Variants in C22orf23 observed in about 807,000 individuals in gnomAD.
C22orf23 encodes UPF0193 protein EVG1.
A neutral mutation model predicts 29.7 loss-of-function variants in C22orf23; 30 were observed. The ratio of observed to expected loss-of-function variants is 1.01; its 90% CI spans 0.76 to 1.37. C22orf23 has a LOEUF of 1.37. Ranked by LOEUF, C22orf23 falls within the 40% of genes most tolerant of loss-of-function variation. C22orf23 has a pLI of 0.00. For missense variants in C22orf23, 237 were observed against 273.1 expected (o/e 0.87, Z 0.93); for synonymous variants, 90 against 96.1 (o/e 0.94, Z 0.37).
intron 3 of C22orf23, among the ~76,000 whole-genome samples, chr22:37,949,524 T>G (rs949892390): frequency 6.7e-6 from 1 of 149,210 alleles, no homozygotes; most frequent in African/African-American, 2.5e-5. Context: ...AATGGTGTGA[T>G]CTCAGCTCAC....
intron 1 of C22orf23, 56 bp from the exon 2 acceptor site, chr22:37,953,214 TC>T (rs1375421028): frequency 4.8e-6 from 6 of 1,243,812 alleles, no homozygotes; most frequent in South Asian, 1.3e-5. Flanking sequence ...TAATCTCTGT[TC>T]CCCGACGCCC....
intron 2 of C22orf23, among the ~76,000 whole-genome samples, chr22:37,952,142 C>T (rs1555932323): frequency 1.3e-5 from 2 of 152,078 alleles, no homozygotes; most frequent in Non-Finnish European, 2.9e-5. Flanking sequence ...GCACCTAAAA[C>T]AGAGTCTAAG....
chr22:37,947,228 C>T (rs1456873846), intron 4 of C22orf23, 53 bp downstream of exon 4: 3 of 1,602,276 alleles, frequency 1.9e-6, no homozygotes, highest in Non-Finnish European at 2.6e-6. Context: ...GTCCCTCTCC[C>T]TTGTCCTCCC....
At chr22:37,946,175 C>T (rs1295196486) in intron 4 of C22orf23, among the ~76,000 whole-genome samples, 5 of 151,796 alleles carry the variant, frequency 3.3e-5, no homozygotes, top group East Asian at 1.9e-4. Context: ...AGGAGAATGG[C>T]GTGAACCTGG....
At position 37,944,125 on chromosome 22, in the gene C22orf23, T is replaced by C. The variant is rs1601844894; in HGVS notation, c.*50A>G. On this transcript the variant is annotated 3_prime_UTR_variant, in exon 7 of 7. Coordinates refer to ENST00000403305, the MANE Select transcript of C22orf23 (RefSeq NM_032561.5). ...AGGATGGCCCTGCCTGGCAGAGGAG[T>C]GGACTCCAGTGGTCGAGCTTGGGCT... The C allele has an allele frequency of 6.5e-7, 1 of 1,541,764 alleles. No individual in the cohort carries two copies. Among genetic ancestry groups the C allele is most frequent in the East Asian group, 2.2e-5 (1 of 44,484 alleles).
In C22orf23 at chr22:37,947,473, G is replaced by A. The variant is rs1431036710; in HGVS notation, c.167-10C>T. ...GGCAAAGCATCTCCTCCTGGGGAACGAAGAGTTGGGGTGGGAGGACCCACA... is the reference window on the plus strand; with the variant it reads ...GGCAAAGCATCTCCTCCTGGGGAACAAAGAGTTGGGGTGGGAGGACCCACA... On this transcript the variant is annotated splice_polypyrimidine_tract_variant and intron_variant, in intron 3 of 6. Coordinates refer to ENST00000403305, the MANE Select transcript of C22orf23 (RefSeq NM_032561.5). The A allele has an allele frequency of 2.9e-6, 4 of 1,399,436 alleles. No homozygotes were observed. Among genetic ancestry groups the A allele is most frequent in the Middle Eastern group, 1.9e-4 (1 of 5,132 alleles). The allele number at this position is 1,399,436 out of a possible 1,614,324, so 86.7% of individuals were successfully genotyped here. A position where few individuals can be genotyped will look rare whatever the true frequency, so the allele number is the denominator to read the frequency against.
Position 37,953,504 on chromosome 22 carries a change from G to A in C22orf23, c.-66C>T, listed in dbSNP as rs1428056057. 2 of 548,558 alleles carry A rather than the reference G, an allele frequency of 3.6e-6. No homozygotes were observed. The highest frequency in any genetic ancestry group is 3.9e-5 in the African/African-American group (2 of 51,458). 34.0% of individuals were successfully genotyped at this position (548,558 alleles called of 1,614,324 possible). ...ACATAGAAGTGGGCTCCCGGAGGCG[G>A]TGACCACTGCTTTACAGCCGCATCC... is the stretch of plus-strand genomic sequence containing the variant. On this transcript the variant is annotated 5_prime_UTR_variant, in exon 1 of 7. Transcript: ENST00000403305.
At chr22:37,944,579 T>C (rs1436501619) in intron 5 of C22orf23, 62 bp from the exon 6 acceptor site, 2 of 1,408,730 alleles carry the variant, frequency 1.4e-6, no homozygotes, top group Admixed American at 3.4e-5. Context: ...TTGCCTCTCT[T>C]GAGGAGAGGA....
intron 4 of C22orf23, among the ~76,000 whole-genome samples, chr22:37,946,671 G>A (rs960043324): frequency 6.6e-6 from 1 of 151,524 alleles, no homozygotes; most frequent in Non-Finnish European, 1.5e-5. Flanking sequence ...CTTGAGGCCA[G>A]GAGTTCAAGA....
intron 5 of C22orf23, 52 bp from the exon 6 acceptor site, chr22:37,944,569 T>C: frequency 6.7e-7 from 1 of 1,496,624 alleles, no homozygotes. Context: ...AGGCAGCGGG[T>C]TGCCTCTCTT....
chr22:37,948,857 A>AT (rs1425452767), intron 3 of C22orf23, among the ~76,000 whole-genome samples: 4 of 151,978 alleles, frequency 2.6e-5, no homozygotes, highest in Non-Finnish European at 4.4e-5. Context: ...TTCACTTAAC[A>AT]TTTTTTCATG....
rs1347280123 is a variant in C22orf23, at chr22:37,944,536, T to C, written c.482-19A>G. 4 of 1,603,996 alleles carry C rather than the reference T, an allele frequency of 2.5e-6. No homozygotes were observed. In the African/African-American group the frequency reaches 4.0e-5, roughly 16 times the overall value. Reference sequence around the variant, plus strand: ...TTCACCACTGGACAGAGGAGAGGGCTGTCAGGTTCCCATGAGGGATGCAGG... The same window carrying C: ...TTCACCACTGGACAGAGGAGAGGGCCGTCAGGTTCCCATGAGGGATGCAGG... On this transcript the variant is annotated intron_variant, in intron 5 of 6. Transcript: ENST00000403305.
chr22:37,949,387 G>A (rs1255670920), intron 3 of C22orf23, among the ~76,000 whole-genome samples: 4 of 149,918 alleles, frequency 2.7e-5, no homozygotes, highest in African/African-American at 7.4e-5. Context: ...GGGTACAAGC[G>A]ATTCTTGTGC....
chr22:37,951,716 C>T (rs1022790512), intron 2 of C22orf23, 194 bp from the exon 3 acceptor site: 1 of 349,536 alleles, frequency 2.9e-6, no homozygotes, highest in Admixed American at 4.5e-5. Flanking sequence ...TATTGTTATC[C>T]TTCTATATTA....
At chr22:37,946,460 C>T (rs939900033) in intron 4 of C22orf23, among the ~76,000 whole-genome samples, 1 of 151,408 alleles carries the variant, frequency 6.6e-6, no homozygotes, top group Non-Finnish European at 1.5e-5. Context: ...CCTGTGGTCC[C>T]AGCTATTCTG....
At chr22:37,952,814 A>G in intron 2 of C22orf23, 1 of 433,134 alleles carries the variant, frequency 2.3e-6, no homozygotes, top group South Asian at 2.8e-5. Flanking sequence ...GCCTCCTTTC[A>G]GGTCAGTGAC....
At chr22:37,952,883 A>G in intron 2 of C22orf23, 164 bp downstream of exon 2, 1 of 608,298 alleles carries the variant, frequency 1.6e-6, no homozygotes, top group Non-Finnish European at 2.9e-6. Flanking sequence ...CGAGGGATCT[A>G]GGTTGCACGC....
chr22:37,947,660 G>A (rs1450828463), intron 3 of C22orf23, among the ~76,000 whole-genome samples, 197 bp from the exon 4 acceptor site: 1 of 151,504 alleles, frequency 6.6e-6, no homozygotes, highest in African/African-American at 2.4e-5. Flanking sequence ...ACAGGCATGC[G>A]CCACCATGCT....
chr22:37,951,543 T>C (rs752518890), intron 2 of C22orf23, 21 bp from the exon 3 acceptor site: 3 of 1,612,442 alleles, frequency 1.9e-6, no homozygotes, highest in African/African-American at 1.3e-5. Flanking sequence ...AAGCATTCTA[T>C]GAGGCCTCTT....
Sources: gnomAD v4.1 joint callset for allele counts (sites outside exome capture counted in the v4.1 genomes callset) on GRCh38, gnomAD v4.1.1 for gene constraint, MANE v1.5 for transcripts, NCBI Gene and HGNC (gene_info 2026-07-23, HGNC 2026-07-21) for gene names.